RAPGEF4: variants seen among roughly 807,000 people sequenced by gnomAD.
The protein encoded by RAPGEF4 is RAP guanine-nucleotide-exchange factor (GEF) 4.
RAPGEF4 carries 66 observed loss-of-function variants against 147.9 expected under a neutral mutation model. The observed-to-expected ratio is 0.45, with a 90% CI of 0.37 to 0.55. The LOEUF (loss-of-function observed/expected upper bound fraction) is 0.55. RAPGEF4 is among the 20% of genes least tolerant of loss of function. The pLI, the probability that RAPGEF4 is intolerant of heterozygous loss-of-function variation, is 0.00. For missense variants in RAPGEF4, 1,071 were observed against 1,257.3 expected (o/e 0.85, Z 2.24); for synonymous variants, 419 against 442.7 (o/e 0.95, Z 0.67).
At chr2:173,021,454 G>A (rs1055586471) in intron 23 of RAPGEF4, among the ~76,000 whole-genome samples, 3 of 152,218 alleles carry the variant, frequency 2.0e-5, no homozygotes, top group East Asian at 1.9e-4. Flanking sequence ...CGAGCGTGGT[G>A]GCGGGCGCCT....
At chr2:172,760,587 G>C (rs572458771) in intron 1 of RAPGEF4, among the ~76,000 whole-genome samples, 1 of 152,032 alleles carries the variant, frequency 6.6e-6, no homozygotes, top group Admixed American at 6.6e-5. Flanking sequence ...GCATGGTGGC[G>C]GGTGCCTGTA....
chr2:172,798,891 G>A (rs1686676344), intron 3 of RAPGEF4, among the ~76,000 whole-genome samples: 1 of 152,196 alleles, frequency 6.6e-6, no homozygotes, highest in Non-Finnish European at 1.5e-5. Flanking sequence ...GTAATCCATA[G>A]CATACTCTTT....
chr2:172,985,575 C>A, intron 12 of RAPGEF4, 82 bp downstream of exon 12: 1 of 1,565,018 alleles, frequency 6.4e-7, no homozygotes, highest in East Asian at 2.3e-5. Context: ...GCTGCTAACG[C>A]CTCACTTCTT....
intron 18 of RAPGEF4, among the ~76,000 whole-genome samples, chr2:173,015,452 A>G (rs1695418635): frequency 6.6e-6 from 1 of 152,246 alleles, no homozygotes; most frequent in Admixed American, 6.5e-5. Context: ...ATTATCCAAA[A>G]GAAACATACA....
At chr2:173,023,621 C>G (rs1476069764) in intron 23 of RAPGEF4, among the ~76,000 whole-genome samples, 1 of 152,224 alleles carries the variant, frequency 6.6e-6, no homozygotes, top group Non-Finnish European at 1.5e-5. Flanking sequence ...AAAGTTGAGA[C>G]TCAACAGAGC....
Position 173,051,688 on chromosome 2 carries a change from A to G in RAPGEF4, c.2957A>G (p.Tyr986Cys), listed in dbSNP as rs763051657. Residue 986 changes from tyrosine to cysteine, a missense_variant, in exon 31 of 31, where the codon TAT (tyrosine) becomes TGT (cysteine). Transcript: ENST00000397081. Reference sequence around the variant, plus strand: ...AAGAACCATCAGGATGTCCGGAGTTATGTACGGCAATTAAATGTGATTGAC... The same window carrying G: ...AAGAACCATCAGGATGTCCGGAGTTGTGTACGGCAATTAAATGTGATTGAC... The part of the protein sequence containing the change: ...ANKNHQDVRS[Y>C]VRQLNVIDNQ... 4.3e-6 allele frequency: 7 copies of G among 1,613,984 alleles called. No individual in the cohort carries two copies. Among genetic ancestry groups the G allele is most frequent in the Non-Finnish European group, 5.9e-6 (7 of 1,179,858 alleles).
chr2:172,736,845 T>G (rs766406358), intron 1 of RAPGEF4, among the ~76,000 whole-genome samples: 6 of 152,226 alleles, frequency 3.9e-5, no homozygotes, highest in Non-Finnish European at 7.3e-5. Context: ...AGGTGATGCA[T>G]CTGAACTTTT....
intron 4 of RAPGEF4, among the ~76,000 whole-genome samples, chr2:172,815,854 A>C (rs1688452296): frequency 6.6e-6 from 1 of 152,182 alleles, no homozygotes; most frequent in South Asian, 2.1e-4. Context: ...GTGAACATTA[A>C]AACAAACTTA....
At chr2:172,939,043 G>A (rs113969849) in intron 6 of RAPGEF4, among the ~76,000 whole-genome samples, 1 of 152,014 alleles carries the variant, frequency 6.6e-6, no homozygotes. Context: ...AATGTACTAC[G>A]GTTTATTTAT....
At chr2:172,789,472 C>T (rs1164071033) in intron 1 of RAPGEF4, among the ~76,000 whole-genome samples, 2 of 151,424 alleles carry the variant, frequency 1.3e-5, no homozygotes, top group African/African-American at 4.9e-5. Flanking sequence ...GTGTTAAGAA[C>T]ACTTACTATG....
At chr2:172,981,899 G>A (rs1416716413) in intron 10 of RAPGEF4, among the ~76,000 whole-genome samples, 3 of 152,200 alleles carry the variant, frequency 2.0e-5, no homozygotes, top group African/African-American at 7.2e-5. Flanking sequence ...CAGACCAAAT[G>A]TCATAGTTTA....
chr2:172,914,736 A>G (rs1370706410), intron 4 of RAPGEF4, among the ~76,000 whole-genome samples: 2 of 152,240 alleles, frequency 1.3e-5, no homozygotes, highest in Non-Finnish European at 2.9e-5. Flanking sequence ...TTACACTGCT[A>G]TAAGCAATAT....
intron 1 of RAPGEF4, among the ~76,000 whole-genome samples, chr2:172,780,510 A>G (rs902989566): frequency 6.6e-6 from 1 of 152,152 alleles, no homozygotes; most frequent in African/African-American, 2.4e-5. Flanking sequence ...TTTCTATTAG[A>G]GAGGGAAGGA....
chr2:172,984,897 G>A (rs183765648), intron 11 of RAPGEF4, among the ~76,000 whole-genome samples: 1 of 151,912 alleles, frequency 6.6e-6, no homozygotes, highest in Admixed American at 6.6e-5. Context: ...GCCATGATTT[G>A]GGACCGTAAT....
intron 4 of RAPGEF4, among the ~76,000 whole-genome samples, chr2:172,827,848 C>T (rs1689844492): frequency 2.0e-5 from 3 of 152,332 alleles, no homozygotes; most frequent in African/African-American, 7.2e-5. Flanking sequence ...TCAAATCCCT[C>T]ACTCCAGGTG....
At chr2:172,861,905 C>G (rs912526252) in intron 4 of RAPGEF4, among the ~76,000 whole-genome samples, 2 of 152,176 alleles carry the variant, frequency 1.3e-5, no homozygotes, top group African/African-American at 2.4e-5. Context: ...TTGAACTTGT[C>G]CTTGTTTGCC....
intron 1 of RAPGEF4, among the ~76,000 whole-genome samples, chr2:172,766,202 A>G (rs1372214391): frequency 6.6e-6 from 1 of 152,184 alleles, no homozygotes; most frequent in African/African-American, 2.4e-5. Flanking sequence ...TTATTGAGGT[A>G]GACCATGATA....
At chr2:172,928,171 G>T in intron 6 of RAPGEF4, 1 of 454,668 alleles carries the variant, frequency 2.2e-6, no homozygotes. Flanking sequence ...TGTTGAAGGT[G>T]CCAAGAACAA....
chr2:172,774,410 A>G (rs950371941), intron 1 of RAPGEF4, among the ~76,000 whole-genome samples: 7 of 152,190 alleles, frequency 4.6e-5, no homozygotes, highest in Non-Finnish European at 8.8e-5. Flanking sequence ...TCTCAGAACC[A>G]CTAGAACTCC....
Sources: allele counts gnomAD v4.1 joint callset (sites outside exome capture counted in the v4.1 genomes callset), GRCh38; gene constraint gnomAD v4.1.1; transcripts MANE v1.5; gene names NCBI Gene and HGNC (gene_info 2026-07-23, HGNC 2026-07-21).